Variants in PPARGC1A observed in about 807,000 individuals in gnomAD.
PPARGC1A encodes the protein PPARG coactivator 1 alpha.
PPARGC1A carries 25 observed loss-of-function variants against 88.7 expected under a neutral mutation model. That is an observed-to-expected ratio of 0.28 (90% CI 0.21 to 0.39). The LOEUF (loss-of-function observed/expected upper bound fraction) is 0.39, where lower values mean the gene tolerates loss of function less well. Among genes scored for constraint, PPARGC1A ranks in the 10% least tolerant of loss-of-function variants. PPARGC1A has a pLI of 1.00. For missense variants in PPARGC1A, 880 were observed against 968.7 expected (o/e 0.91, Z 1.22); for synonymous variants, 363 against 355.6 (o/e 1.02, Z -0.24).
chr4:23,880,276 C>G (rs1715664276), intron 2 of PPARGC1A, among the ~76,000 whole-genome samples: 1 of 152,100 alleles, frequency 6.6e-6, no homozygotes, highest in Admixed American at 6.6e-5. Context: ...GTTCATTTTG[C>G]CTCCCAAACT....
chr4:23,813,292 A>T (rs532248422), intron 8 of PPARGC1A, among the ~76,000 whole-genome samples, 167 bp from the exon 9 acceptor site: 10 of 152,324 alleles, frequency 6.6e-5, no homozygotes, highest in Middle Eastern at 3.4e-3. Flanking sequence ...TAGTCAACTT[A>T]GAGGGCTGGG....
At chr4:24,089,959 G>T in the PPARGC1A span, among the ~76,000 whole-genome samples, 1 of 152,138 alleles carries the variant, frequency 6.6e-6, no homozygotes, top group African/African-American at 2.4e-5. Flanking sequence ...AAGCCTTTTG[G>T]TAAATTAATA....
intron 10 of PPARGC1A, among the ~76,000 whole-genome samples, chr4:23,803,380 TA>T (rs1308099523): frequency 6.6e-6 from 1 of 152,194 alleles, no homozygotes; most frequent in African/African-American, 2.4e-5. Flanking sequence ...AAAGAGGCTA[TA>T]AATTTCACTT....
the PPARGC1A span, among the ~76,000 whole-genome samples, chr4:23,916,532 G>T: frequency 6.6e-6 from 1 of 152,190 alleles, no homozygotes; most frequent in South Asian, 2.1e-4. Context: ...TAAAGAGCTA[G>T]ATGCACACGA....
At chr4:23,943,053 A>G in the PPARGC1A span, among the ~76,000 whole-genome samples, 37 of 152,256 alleles carry the variant, frequency 2.4e-4, no homozygotes, top group African/African-American at 8.2e-4. Flanking sequence ...CTTCATCCTG[A>G]GGCTTAAATG....
the PPARGC1A span, among the ~76,000 whole-genome samples, chr4:23,975,486 C>T: frequency 6.6e-6 from 1 of 151,932 alleles, no homozygotes. Context: ...GGTGCAATCT[C>T]CATTCACTGC....
chr4:24,163,879 G>A, the PPARGC1A span, among the ~76,000 whole-genome samples: 17 of 152,310 alleles, frequency 1.1e-4, no homozygotes, highest in Admixed American at 3.9e-4. Flanking sequence ...CCAAACCAAT[G>A]AGAAGGCCTC....
the PPARGC1A span, among the ~76,000 whole-genome samples, chr4:24,229,889 G>A: frequency 6.6e-6 from 1 of 150,702 alleles, no homozygotes; most frequent in Non-Finnish European, 1.5e-5. Flanking sequence ...AAAGCTTTCT[G>A]TTCATTGGAT....
chr4:24,049,211 TATAAATATATATATACATATATATAA>T, the PPARGC1A span, among the ~76,000 whole-genome samples: 1 of 8,740 alleles, frequency 1.1e-4, no homozygotes, highest in African/African-American at 1.4e-4. Flanking sequence ...CACACATATA[TATAAATATATATATACATATATATAA>T]ATATATATAC....
At chr4:24,109,167 ATAAT>A in the PPARGC1A span, among the ~76,000 whole-genome samples, 1 of 151,844 alleles carries the variant, frequency 6.6e-6, no homozygotes, top group African/African-American at 2.4e-5. Context: ...CTTATTGGTA[ATAAT>A]TAATTATTAA....
the PPARGC1A span, among the ~76,000 whole-genome samples, chr4:24,018,612 C>T: frequency 1.3e-5 from 2 of 152,112 alleles, no homozygotes; most frequent in African/African-American, 2.4e-5. Context: ...ATATATGGGG[C>T]CAAGCGACTA....
At chr4:24,071,858 G>T in the PPARGC1A span, among the ~76,000 whole-genome samples, 1 of 152,142 alleles carries the variant, frequency 6.6e-6, no homozygotes, top group Non-Finnish European at 1.5e-5. Context: ...CCTGGATCAT[G>T]AGAAGTGTTC....
chr4:23,814,620 A>T lies in PPARGC1A; in HGVS notation c.878-15T>A, dbSNP rs368306168. On this transcript the variant is annotated splice_polypyrimidine_tract_variant and intron_variant, in intron 7 of 12. Transcript: ENST00000264867. ...TGGAGTTAGGCCTAAGGCAAAAATTAAAAAAAAAAAAAAAAAGAGAGAGAA... is the reference window on the plus strand; with the variant it reads ...TGGAGTTAGGCCTAAGGCAAAAATTTAAAAAAAAAAAAAAAAGAGAGAGAA... The T allele has an allele frequency of 0.062, 2,068 of 33,162 alleles. 14 individuals carry two copies. Among genetic ancestry groups the T allele is most frequent in the Middle Eastern group, 0.19 (22 of 114 alleles). 2.1% of individuals were successfully genotyped at this position (33,162 alleles called of 1,614,324 possible).
chr4:24,440,554 C>A, the PPARGC1A span, among the ~76,000 whole-genome samples: 11 of 152,248 alleles, frequency 7.2e-5, no homozygotes, highest in East Asian at 1.7e-3. Flanking sequence ...GTAATCCCAG[C>A]ACTTTGGGAG....
At chr4:23,814,632 A>T (rs767532314) in intron 7 of PPARGC1A, 27 bp from the exon 8 acceptor site, 62 of 1,475,416 alleles carry the variant, frequency 4.2e-5, no homozygotes, top group Non-Finnish European at 5.6e-5. Context: ...AAAAAAAAAA[A>T]AAAAGAGAGA....
At chr4:24,410,938 C>A in the PPARGC1A span, among the ~76,000 whole-genome samples, 3 of 152,308 alleles carry the variant, frequency 2.0e-5, no homozygotes, top group East Asian at 5.8e-4. Context: ...CCTCACCTTG[C>A]AGACTGCCTA....
At chr4:24,089,504 TCTTTTCTTTC>T in the PPARGC1A span, among the ~76,000 whole-genome samples, 25,418 of 125,398 alleles carry the variant, frequency 0.2, 3,543 homozygotes, top group East Asian at 0.33. Flanking sequence ...TCTTTTCTTT[TCTTTTCTTTC>T]TTTTTTTTTT....
the PPARGC1A span, among the ~76,000 whole-genome samples, chr4:24,441,262 A>T: frequency 1.1e-4 from 17 of 152,158 alleles, no homozygotes; most frequent in African/African-American, 3.6e-4. Flanking sequence ...TGCTTACGAA[A>T]TGATAGCTTC....
At chr4:24,165,992 G>A in the PPARGC1A span, among the ~76,000 whole-genome samples, 4 of 152,228 alleles carry the variant, frequency 2.6e-5, no homozygotes, top group African/African-American at 7.2e-5. Context: ...CTGAAAAGTA[G>A]GCCTCTTGTG....
Sources: allele counts gnomAD v4.1 joint callset (sites outside exome capture counted in the v4.1 genomes callset), GRCh38; gene constraint gnomAD v4.1.1; transcripts MANE v1.5; gene names NCBI Gene and HGNC (gene_info 2026-07-23, HGNC 2026-07-21).